MAN1C1: variants seen among roughly 807,000 people sequenced by gnomAD.
The protein encoded by MAN1C1 is mannosidase alpha class 1C member 1, also known as mannosyl-oligosaccharide 1,2-alpha-mannosidase IC.
In MAN1C1, 49 loss-of-function variants were observed where a neutral mutation model predicts 71.5. The observed-to-expected ratio is 0.69, with a 90% CI of 0.54 to 0.87. MAN1C1 has a LOEUF of 0.87. Among genes scored for constraint, MAN1C1 ranks in the 40% least tolerant of loss-of-function variants. The probability of loss-of-function intolerance (pLI) is 0.00; values close to 1 mark genes in which losing one functional copy is unlikely to be tolerated. For synonymous variants in MAN1C1, 352 were observed against 343.7 expected (o/e 1.02, Z -0.27); for missense variants, 743 against 835.0 (o/e 0.89, Z 1.36).
chr1:25,690,188 G>C (rs1219254831), intron 2 of MAN1C1, among the ~76,000 whole-genome samples: 1 of 152,104 alleles, frequency 6.6e-6, no homozygotes, highest in African/African-American at 2.4e-5. Flanking sequence ...CGGCTCAGCA[G>C]GCCCTGTCAG....
intron 9 of MAN1C1, 89 bp from the exon 10 acceptor site, chr1:25,780,851 G>A (rs2047682892): frequency 1.5e-5 from 21 of 1,411,136 alleles, no homozygotes; most frequent in South Asian, 1.2e-4. Context: ...CCCTGGCCGC[G>A]GGTTCAAGGC....
chr1:25,704,712 G>C (rs747198517), intron 2 of MAN1C1, among the ~76,000 whole-genome samples: 52 of 152,332 alleles, frequency 3.4e-4, no homozygotes, highest in Non-Finnish European at 5.9e-4. Context: ...ACAGAGAGCT[G>C]ATTTGTGCCC....
At chr1:25,732,342 G>C (rs554119987) in intron 2 of MAN1C1, among the ~76,000 whole-genome samples, 1 of 152,324 alleles carries the variant, frequency 6.6e-6, no homozygotes, top group Admixed American at 6.5e-5. Context: ...GAATGGCACA[G>C]CAGTGAAGGG....
intron 1 of MAN1C1, among the ~76,000 whole-genome samples, chr1:25,681,962 A>G (rs2046161263): frequency 5.3e-5 from 8 of 152,180 alleles, no homozygotes. Context: ...CTTAAAAAAA[A>G]AAAGCAATTT....
At chr1:25,703,633 A>G (rs549585546) in intron 2 of MAN1C1, among the ~76,000 whole-genome samples, 5 of 152,282 alleles carry the variant, frequency 3.3e-5, no homozygotes, top group South Asian at 4.1e-4. Context: ...GTGAGCCGAG[A>G]TCGTGCCATT....
At chr1:25,648,111 G>A (rs924114766) in intron 1 of MAN1C1, among the ~76,000 whole-genome samples, 5 of 152,210 alleles carry the variant, frequency 3.3e-5, no homozygotes, top group African/African-American at 1.2e-4. Flanking sequence ...GGGGCATGTG[G>A]GCCAAGTCAG....
At chr1:25,752,309 T>C (rs1199417877) in intron 4 of MAN1C1, among the ~76,000 whole-genome samples, 1 of 152,184 alleles carries the variant, frequency 6.6e-6, no homozygotes, top group Non-Finnish European at 1.5e-5. Context: ...TTCCTCCCAC[T>C]GTCCCCGCTC....
intron 2 of MAN1C1, among the ~76,000 whole-genome samples, chr1:25,743,170 G>A (rs1557788355): frequency 6.6e-6 from 1 of 152,158 alleles, no homozygotes; most frequent in Non-Finnish European, 1.5e-5. Flanking sequence ...TGTGTTGCTG[G>A]CTCATAGCGG....
rs1482263788 is a variant in MAN1C1, at chr1:25,746,080, G to C, written c.638-588G>C. Among the ~76,000 whole-genome samples, 3 of 151,710 alleles carry C rather than the reference G, an allele frequency of 2.0e-5. No individual in the cohort carries two copies. Among genetic ancestry groups the C allele is most frequent in the Non-Finnish European group, 2.9e-5 (2 of 67,960 alleles). On this transcript the variant is annotated intron_variant, in intron 2 of 11. Coordinates refer to ENST00000374332, the MANE Select transcript of MAN1C1 (RefSeq NM_020379.4). This position sits in a 1 kb window ranked among gnomAD's most constrained non-coding sequence, Gnocchi z 4.0. ...AGCACTTTGGGAGGCCGAAGTGGGT[G>C]GATCACTTGAGGCCAGGAGTTCAAG...
At chr1:25,646,483 T>C (rs2045616268) in intron 1 of MAN1C1, 1 of 152,236 alleles carries the variant, frequency 6.6e-6, no homozygotes, top group Non-Finnish European at 1.5e-5. Context: ...TTTTAAAATG[T>C]ACAACTCAAT....
At position 25,746,484 on chromosome 1, in the gene MAN1C1, G is replaced by C. The variant is rs951971904; in HGVS notation, c.638-184G>C. On this transcript the variant is annotated intron_variant, in intron 2 of 11. Coordinates refer to ENST00000374332, the MANE Select transcript of MAN1C1 (RefSeq NM_020379.4). This position sits in a 1 kb window ranked among gnomAD's most constrained non-coding sequence, Gnocchi z 4.0. ...CCTTGAGGAGGAAGCAGCCCATGGC[G>C]GGGACTCTGGGTCTCGGCGTCACCT... 3.9e-5 allele frequency among the ~76,000 whole-genome samples: 6 copies of C among 152,290 alleles called. No homozygotes were observed. Among genetic ancestry groups the C allele is most frequent in the Admixed American group, 1.3e-4 (2 of 15,300 alleles).
At chr1:25,663,631 A>T (rs1030142108) in intron 1 of MAN1C1, among the ~76,000 whole-genome samples, 1 of 151,928 alleles carries the variant, frequency 6.6e-6, no homozygotes, top group Non-Finnish European at 1.5e-5. Context: ...ATATGGGGGG[A>T]TTACTGCATC....
intron 1 of MAN1C1, among the ~76,000 whole-genome samples, chr1:25,673,091 A>C (rs2046014562): frequency 1.3e-5 from 2 of 152,116 alleles, no homozygotes; most frequent in African/African-American, 4.8e-5. Flanking sequence ...TCATCGCCAG[A>C]AATCCTGTTG....
chr1:25,758,931 G>A, intron 6 of MAN1C1: 1 of 534,132 alleles, frequency 1.9e-6, no homozygotes, highest in Non-Finnish European at 3.4e-6. Context: ...ATTCTACAGA[G>A]GGAAAAGGAG....
chr1:25,618,734 G>A (rs1281240131), intron 1 of MAN1C1, among the ~76,000 whole-genome samples: 5 of 152,094 alleles, frequency 3.3e-5, no homozygotes, highest in Non-Finnish European at 7.4e-5. Context: ...TGGACACAGA[G>A]CCACTGGTCC....
intron 7 of MAN1C1, among the ~76,000 whole-genome samples, chr1:25,768,805 G>A (rs1439878555): frequency 1.6e-4 from 8 of 50,134 alleles, no homozygotes; most frequent in Non-Finnish European, 2.3e-4. Flanking sequence ...CACACACTGC[G>A]CTCACACATA....
intron 1 of MAN1C1, among the ~76,000 whole-genome samples, chr1:25,679,994 C>CAT (rs200399098): frequency 1.1e-4 from 15 of 139,308 alleles, no homozygotes; most frequent in Middle Eastern, 3.9e-3. Context: ...CACACACACA[C>CAT]ATATATATAT....
intron 2 of MAN1C1, among the ~76,000 whole-genome samples, chr1:25,693,439 G>A (rs554890043): frequency 6.6e-6 from 1 of 152,246 alleles, no homozygotes; most frequent in African/African-American, 2.4e-5. Context: ...AAACCAGCCT[G>A]GCCAACATGG....
intron 1 of MAN1C1, among the ~76,000 whole-genome samples, chr1:25,638,155 T>G (rs562248562): frequency 9.0e-4 from 137 of 152,248 alleles, no homozygotes; most frequent in Non-Finnish European, 1.8e-3. Flanking sequence ...TATTTCAGAT[T>G]CTATTTTTAT....
Sources: allele counts gnomAD v4.1 joint callset (sites outside exome capture counted in the v4.1 genomes callset), GRCh38; gene constraint gnomAD v4.1.1; non-coding constraint Gnocchi (gnomAD v3.1); transcripts MANE v1.5; gene names NCBI Gene and HGNC (gene_info 2026-07-23, HGNC 2026-07-21).